The following LRRC53 variants were observed in gnomAD, a reference collection of about 807,000 sequenced individuals.
The protein encoded by LRRC53 is leucine-rich repeat-containing protein 53.
Under a neutral mutation model 13.6 loss-of-function variants are expected in LRRC53, and 25 were observed. The ratio of observed to expected loss-of-function variants is 1.83; its 90% confidence interval spans 1.34 to 2.56. LRRC53 has a LOEUF of 2.56. Ranked by LOEUF, LRRC53 falls within the 30% of genes most tolerant of loss-of-function variation. The pLI, the probability that LRRC53 is intolerant of heterozygous loss-of-function variation, is 0.00. For synonymous variants in LRRC53, 204 were observed against 109.8 expected, an observed-to-expected ratio of 1.86 and a Z score of -5.37; for missense variants, 527 against 275.8, an observed-to-expected ratio of 1.91 and a Z score of -6.45.
intron 1 of LRRC53, 142 bp from the exon 2 acceptor site, chr1:74,483,517 T>C: frequency 1.9e-6 from 1 of 528,794 alleles, no homozygotes; most frequent in Non-Finnish European, 3.4e-6. Flanking sequence ...GCCAGGTAAA[T>C]AACTACATTC....
chr1:74,508,400 G>A (rs978901704), intron 1 of LRRC53, among the ~76,000 whole-genome samples: 3 of 152,136 alleles, frequency 2.0e-5, no homozygotes, highest in Admixed American at 6.5e-5. Context: ...AATAAAGAAG[G>A]TATTATGATT....
At chr1:74,533,932 A>T in the LRRC53 span, among the ~76,000 whole-genome samples, 1 of 152,092 alleles carries the variant, frequency 6.6e-6, no homozygotes, top group African/African-American at 2.4e-5. Context: ...AGTCTGAAAA[A>T]CTTTTGTTCA....
At chr1:74,525,397 A>C in the LRRC53 span, among the ~76,000 whole-genome samples, 1 of 152,190 alleles carries the variant, frequency 6.6e-6, no homozygotes, top group African/African-American at 2.4e-5. Context: ...AATTTTGCTT[A>C]AGGACAGCAG....
chr1:74,516,452 G>C (rs556848504), upstream of LRRC53, among the ~76,000 whole-genome samples: 2 of 152,204 alleles, frequency 1.3e-5, no homozygotes, highest in African/African-American at 4.8e-5. Flanking sequence ...AGGTGTCACA[G>C]TAAAGAGATG....
At chr1:74,501,611 C>T (rs183516799) in intron 1 of LRRC53, among the ~76,000 whole-genome samples, 107 of 152,168 alleles carry the variant, frequency 7.0e-4, no homozygotes, top group African/African-American at 2.4e-3. Flanking sequence ...CTCAGCCTCC[C>T]GAGTAGCTGG....
upstream of LRRC53, among the ~76,000 whole-genome samples, chr1:74,514,506 AT>A (rs1168506679): frequency 6.6e-6 from 1 of 152,212 alleles, no homozygotes; most frequent in Non-Finnish European, 1.5e-5. Flanking sequence ...TCTTGATAGA[AT>A]TTATTGAGAA....
intron 1 of LRRC53, among the ~76,000 whole-genome samples, chr1:74,505,755 T>C (rs945450110): frequency 6.6e-6 from 1 of 152,162 alleles, no homozygotes; most frequent in South Asian, 2.1e-4. Context: ...ATTTAGTTAA[T>C]GGCAACTAAC....
At chr1:74,512,907 CA>C, upstream of LRRC53, among the ~76,000 whole-genome samples, 1 of 152,228 alleles carries the variant, frequency 6.6e-6, no homozygotes, top group Admixed American at 6.5e-5. Flanking sequence ...ACTATGTGAT[CA>C]CCTAAAGCTG....
chr1:74,517,065 A>T (rs920612962), upstream of LRRC53, among the ~76,000 whole-genome samples: 1 of 152,204 alleles, frequency 6.6e-6, no homozygotes, highest in African/African-American at 2.4e-5. Context: ...GTTGATGGGG[A>T]TTATTTAATT....
the LRRC53 span, among the ~76,000 whole-genome samples, chr1:74,530,237 A>C: frequency 2.6e-5 from 4 of 152,220 alleles, no homozygotes; most frequent in Non-Finnish European, 5.9e-5. Context: ...GCTTGATAAA[A>C]AGCCATGGAA....
intron 3 of LRRC53, among the ~76,000 whole-genome samples, chr1:74,478,870 ATTTC>A (rs956463620): frequency 1.3e-5 from 2 of 152,152 alleles, no homozygotes; most frequent in African/African-American, 4.8e-5. Flanking sequence ...ATGGTAAATT[ATTTC>A]TTAGCACATA....
At chr1:74,528,078 A>G in the LRRC53 span, among the ~76,000 whole-genome samples, 1 of 152,192 alleles carries the variant, frequency 6.6e-6, no homozygotes, top group Non-Finnish European at 1.5e-5. Context: ...AACGTTATGT[A>G]TGAGAAGGGT....
chr1:74,475,116 C>CCA (rs3058791), intron 4 of LRRC53, among the ~76,000 whole-genome samples, 179 bp downstream of exon 4: 19,892 of 135,690 alleles, frequency 0.15, 1,403 homozygotes, highest in African/African-American at 0.18. Flanking sequence ...CCACCTCAGC[C>CCA]CACACACACA....
intron 1 of LRRC53, among the ~76,000 whole-genome samples, chr1:74,494,478 C>G (rs1669230957): frequency 6.6e-6 from 1 of 152,084 alleles, no homozygotes; most frequent in African/African-American, 2.4e-5. Flanking sequence ...GGATTTTAGT[C>G]TCTTGTATAA....
the LRRC53 span, among the ~76,000 whole-genome samples, chr1:74,518,635 G>A: frequency 6.6e-6 from 1 of 152,096 alleles, no homozygotes; most frequent in African/African-American, 2.4e-5. Flanking sequence ...CACTGTCAGT[G>A]CAGAGGCTTC....
At position 74,475,592 on chromosome 1, in the gene LRRC53, C is replaced by A. The variant is rs1668162497; in HGVS notation, c.1123G>T (p.Glu375Ter). ...KVMSTVGSRKEMPLLQENSHQ... is the reference protein window; with the variant it reads ...KVMSTVGSRK The stretch of plus-strand genomic sequence containing the variant: ...CTATTTTCCTGTAAAAGTGGCATTT[C>A]TTTTCTGGACCCCACAGTGGACATG... The change falls in exon 4 of 5, where the codon GAA becomes TAA. Residue 375 changes from glutamate (E) to a stop codon, truncating the protein, a stop_gained. Coordinates refer to ENST00000294635, the MANE Select transcript of LRRC53 (RefSeq NM_001382280.1). LOFTEE classifies it high-confidence loss of function. 4.2e-6 allele frequency: 3 copies of A among 717,310 alleles called. No individual in the cohort carries two copies. The highest frequency in any genetic ancestry group is 1.7e-5 in the African/African-American group (1 of 57,330). 44.4% of individuals were successfully genotyped at this position (717,310 alleles called of 1,614,324 possible).
chr1:74,530,610 T>A, the LRRC53 span, among the ~76,000 whole-genome samples: 1 of 152,176 alleles, frequency 6.6e-6, no homozygotes, highest in South Asian at 2.1e-4. Flanking sequence ...TGAACTGGGA[T>A]AGGTTATTTC....
chr1:74,505,351 C>T (rs548274881), intron 1 of LRRC53, among the ~76,000 whole-genome samples: 1 of 152,306 alleles, frequency 6.6e-6, no homozygotes, highest in South Asian at 2.1e-4. Flanking sequence ...CGCCCTGCTC[C>T]CTCCTGACTC....
rs915447592 is a variant in LRRC53, at chr1:74,471,812, T to C, written c.1810A>G (p.Ile604Val). ...RQHSKPEKEQ[I>V]QINSAIEKFL... ...TTTTCTATTGCACTGTTAATTTGGA[T>C]TTGCTCTTTCTCAGGCTTTGAGTGT... The change falls in exon 5 of 5, where the codon ATC (isoleucine) becomes GTC (valine). Residue 604 changes from isoleucine to valine, a missense_variant. By Grantham distance (29) the Ile-to-Val change is conservative (BLOSUM62 3). Coordinates refer to ENST00000294635, the MANE Select transcript of LRRC53 (RefSeq NM_001382280.1). The C allele has an allele frequency of 2.3e-6, 1 of 432,364 alleles. No homozygotes were observed. The highest frequency in any genetic ancestry group is 4.1e-6 in the Non-Finnish European group (1 of 245,326). 26.8% of individuals were successfully genotyped at this position (432,364 alleles called of 1,614,324 possible).
Sources: gnomAD v4.1 joint callset for allele counts (sites outside exome capture counted in the v4.1 genomes callset) on GRCh38, gnomAD v4.1.1 for gene constraint, MANE v1.5 for transcripts, NCBI Gene and HGNC (gene_info 2026-07-23, HGNC 2026-07-21) for gene names.